The following NR4A1 variants were observed in gnomAD, a reference collection of about 807,000 sequenced individuals.
NR4A1 encodes nuclear receptor subfamily 4 group A member 1, also known as nuclear receptor subfamily 4immunitygroup A member 1.
In NR4A1, 24 loss-of-function variants were observed where a neutral mutation model predicts 47.5. That is an observed-to-expected ratio of 0.50 (90% CI 0.37 to 0.71). The LOEUF (loss-of-function observed/expected upper bound fraction) is 0.71, where lower values mean the gene tolerates loss of function less well. Among genes scored for constraint, NR4A1 ranks in the 30% least tolerant of loss-of-function variants. NR4A1 has a pLI of 0.00. For missense variants in NR4A1, 669 were observed against 788.6 expected, an observed-to-expected ratio of 0.85 and a Z score of 1.82; for synonymous variants, 353 against 345.7, an observed-to-expected ratio of 1.02 and a Z score of -0.24.
chr12:52,040,673 T>C (rs1938400086), intron 1 of NR4A1, among the ~76,000 whole-genome samples: 1 of 152,168 alleles, frequency 6.6e-6, no homozygotes, highest in African/African-American at 2.4e-5. Flanking sequence ...GACAATGTTG[T>C]AAGGGGAGAG....
intron 1 of NR4A1, 142 bp from the exon 2 acceptor site, chr12:52,054,185 C>T (rs1939119963): frequency 1.4e-6 from 1 of 695,342 alleles, no homozygotes; most frequent in Non-Finnish European, 2.4e-6. Flanking sequence ...TTCCTGGGTG[C>T]TCTGGTCCCG....
At chr12:52,034,439 G>C (rs1181493834) in intron 1 of NR4A1, among the ~76,000 whole-genome samples, 1 of 152,244 alleles carries the variant, frequency 6.6e-6, no homozygotes, top group Non-Finnish European at 1.5e-5. Flanking sequence ...ATGGTGGCCT[G>C]TCTCCCCTCT....
At chr12:52,040,771 C>G (rs1240021647) in intron 1 of NR4A1, among the ~76,000 whole-genome samples, 2 of 152,188 alleles carry the variant, frequency 1.3e-5, no homozygotes, top group Non-Finnish European at 2.9e-5. Context: ...TGCCCACCCT[C>G]TGGGGTCCTC....
chr12:52,053,953 TC>T (rs1253589291), intron 1 of NR4A1: 2 of 230,650 alleles, frequency 8.7e-6, no homozygotes, highest in African/African-American at 4.5e-5. Context: ...CTCACCCTTC[TC>T]CCGGCCCCCA....
chr12:52,038,851 C>G, intron 1 of NR4A1: 1 of 697,312 alleles, frequency 1.4e-6, no homozygotes, highest in South Asian at 1.5e-5. Context: ...CTGAGGAGTT[C>G]AGGCCCTGTG....
Position 52,056,631 on chromosome 12 carries a change from C to G in NR4A1, c.1144C>G (p.Leu382Val). The change falls in exon 4 of 7, where the codon CTG becomes GTG. Residue 382 changes from leucine (L) to valine (V), a missense_variant. Leu to Val is a conservative substitution (Grantham distance 32, BLOSUM62 1). Transcript: ENST00000394825. ...GGACTCAGGGCCCAGCACTGCCAAA[C>G]TGGACTACTCCAAGGTGAGGTCCCA... is the stretch of plus-strand genomic sequence containing the variant. Reference protein sequence around the residue: ...HLDSGPSTAKLDYSKFQELVL... With the variant: ...HLDSGPSTAKVDYSKFQELVL... The G allele has an allele frequency of 6.3e-7, 1 of 1,598,686 alleles. No individual in the cohort carries two copies. Among genetic ancestry groups the G allele is most frequent in the Non-Finnish European group, 8.5e-7 (1 of 1,175,552 alleles).
At chr12:52,039,241 T>C (rs1938350766) in intron 1 of NR4A1, among the ~76,000 whole-genome samples, 1 of 152,218 alleles carries the variant, frequency 6.6e-6, no homozygotes, top group African/African-American at 2.4e-5. Context: ...GCTGTTGTTA[T>C]TGCTAATAAT....
At position 52,059,150 on chromosome 12, in the gene NR4A1, TC is replaced by T. The variant is rs1036600832; in HGVS notation, c.*213del. 6.7e-4 allele frequency: 428 copies of T among 637,852 alleles called. No individual in the cohort carries two copies. The highest frequency in any genetic ancestry group is 1.0e-3 in the Non-Finnish European group (381 of 380,488). 39.5% of individuals were successfully genotyped at this position (637,852 alleles called of 1,614,324 possible). On this transcript the variant is annotated 3_prime_UTR_variant, in exon 7 of 7. Coordinates refer to ENST00000394825, the MANE Select transcript of NR4A1 (RefSeq NM_173157.3). ...GGGGGTGACCCCACGATTTGTCTTA[TC>T]CCCCCCAGCCTGGCCCCGGCCTTTA...
In NR4A1 at chr12:52,055,139, G is replaced by T; in HGVS notation, c.811G>T (p.Gly271Trp). The change falls in exon 2 of 7, where the codon GGG becomes TGG. Residue 271 changes from glycine to tryptophan, a missense_variant. By Grantham distance (184) the Gly-to-Trp change is radical. Coordinates refer to ENST00000394825, the MANE Select transcript of NR4A1 (RefSeq NM_173157.3). ...AAGTGAAGGCCGCTGTGCTGTGTGT[G>T]GGGACAACGCTTCATGCCAGCATTA... is the stretch of plus-strand genomic sequence containing the variant. Reference protein sequence around the residue: ...GGSEGRCAVCGDNASCQHYGV... With the variant: ...GGSEGRCAVCWDNASCQHYGV... The T allele has an allele frequency of 6.2e-7, 1 of 1,614,098 alleles. No homozygotes were observed. The highest frequency in any genetic ancestry group is 1.3e-5 in the African/African-American group (1 of 75,064).
At chr12:52,032,536 G>A (rs1938148381) in intron 1 of NR4A1, among the ~76,000 whole-genome samples, 1 of 152,148 alleles carries the variant, frequency 6.6e-6, no homozygotes, top group Non-Finnish European at 1.5e-5. Flanking sequence ...TAACACCATG[G>A]CACTTACTGC....
chr12:52,037,393 C>T (rs1327314267), intron 1 of NR4A1: 2 of 985,220 alleles, frequency 2.0e-6, no homozygotes, highest in Non-Finnish European at 2.4e-6. Flanking sequence ...CCGGCTGGTG[C>T]GCGACCCCGG....
chr12:52,040,308 C>T (rs1408571123), intron 1 of NR4A1, among the ~76,000 whole-genome samples: 1 of 152,236 alleles, frequency 6.6e-6, no homozygotes, highest in African/African-American at 2.4e-5. Context: ...TGGTGCCAAA[C>T]TCTGGCCCCC....
intron 2 of NR4A1, chr12:52,045,472 C>T (rs1198426088): frequency 2.2e-6 from 1 of 448,972 alleles, no homozygotes; most frequent in East Asian, 7.1e-5. Flanking sequence ...CCTCACTTGC[C>T]ATTACAGGTT....
chr12:52,057,097 C>G lies in NR4A1; in HGVS notation c.1199C>G (p.Ala400Gly). 1 of 1,611,748 alleles carries G rather than the reference C, an allele frequency of 6.2e-7. No homozygotes were observed. Among genetic ancestry groups the G allele is most frequent in the Non-Finnish European group, 8.5e-7 (1 of 1,178,896 alleles). The change falls in exon 5 of 7, where the codon GCT (alanine) becomes GGT (glycine). Residue 400 changes from alanine to glycine, a missense_variant. Transcript: ENST00000394825. ...LVLPHFGKED[A>G]GDVQQFYDLL... ...CTGCCCCACTTTGGGAAGGAAGATG[C>G]TGGGGATGTACAGCAGTTCTACGAC...
chr12:52,033,776 G>T (rs1400017556), intron 1 of NR4A1, among the ~76,000 whole-genome samples: 3 of 152,146 alleles, frequency 2.0e-5, no homozygotes, highest in Non-Finnish European at 4.4e-5. Context: ...GGGAGAGGTC[G>T]GGGGACCCCG....
chr12:52,030,736 C>T (rs940769050), intron 1 of NR4A1, among the ~76,000 whole-genome samples: 1 of 152,050 alleles, frequency 6.6e-6, no homozygotes, highest in Non-Finnish European at 1.5e-5. Context: ...GCCTACTTAA[C>T]CTTTTAGAGC....
intron 1 of NR4A1, chr12:52,038,176 T>A: frequency 1.5e-6 from 1 of 668,034 alleles, no homozygotes; most frequent in Non-Finnish European, 1.9e-6. Context: ...GCGAATCTCC[T>A]GCCTCAGCCT....
intron 1 of NR4A1, among the ~76,000 whole-genome samples, chr12:52,031,509 C>T (rs1446300577): frequency 3.3e-5 from 5 of 151,530 alleles, no homozygotes; most frequent in East Asian, 2.0e-4. Flanking sequence ...TGGTGGCATG[C>T]GCCTGTAATC....
chr12:52,057,521 C>T lies in NR4A1; in HGVS notation c.1531C>T (p.Leu511Phe), dbSNP rs1485797844. 1 of 1,613,856 alleles carries T rather than the reference C, an allele frequency of 6.2e-7. No homozygotes were observed. Among genetic ancestry groups the T allele is most frequent in the Admixed American group, 1.7e-5 (1 of 60,004 alleles). The change falls in exon 6 of 7, where the codon CTC (leucine) becomes TTC (phenylalanine). Residue 511 changes from leucine to phenylalanine, a missense_variant. Coordinates refer to ENST00000394825, the MANE Select transcript of NR4A1 (RefSeq NM_173157.3). ...CTTCGCCTGCCTCTCTGCCCTTGTCCTCATCACCGGTGAGTGACCAGCACC... is the reference window on the plus strand; with the variant it reads ...CTTCGCCTGCCTCTCTGCCCTTGTCTTCATCACCGGTGAGTGACCAGCACC... ...PAFACLSALV[L>F]ITDRHGLQEP...
Sources: allele counts gnomAD v4.1 joint callset (sites outside exome capture counted in the v4.1 genomes callset), GRCh38; gene constraint gnomAD v4.1.1; transcripts MANE v1.5; gene names NCBI Gene and HGNC (gene_info 2026-07-23, HGNC 2026-07-21).